TRIB2: variants seen among roughly 807,000 people sequenced by gnomAD.
The protein encoded by TRIB2 is tribbles homolog 2.
A neutral mutation model predicts 26.8 loss-of-function variants in TRIB2; 2 were observed. The ratio of observed to expected loss-of-function variants is 0.07; its 90% CI spans 0.03 to 0.24. The LOEUF is 0.24. TRIB2 is among the 10% of genes least tolerant of loss of function. TRIB2 has a pLI of 1.00. For missense variants in TRIB2, 306 were observed against 449.0 expected (o/e 0.68, Z 2.88); for synonymous variants, 189 against 187.3 (o/e 1.01, Z -0.08).
At chr2:12,719,692 A>G (rs1661150467) in intron 1 of TRIB2, among the ~76,000 whole-genome samples, 1 of 151,728 alleles carries the variant, frequency 6.6e-6, no homozygotes, top group African/African-American at 2.4e-5. Context: ...CATTCACCAC[A>G]GACTACTTTG....
intron 2 of TRIB2, among the ~76,000 whole-genome samples, chr2:12,739,210 A>C (rs1022580053): frequency 2.0e-5 from 3 of 152,114 alleles, no homozygotes; most frequent in African/African-American, 7.2e-5. Flanking sequence ...TGGGAGTATG[A>C]GGGGCAGGAC....
intron 1 of TRIB2, among the ~76,000 whole-genome samples, chr2:12,719,575 T>TA (rs1558314160): frequency 2.4e-5 from 2 of 84,042 alleles, no homozygotes; most frequent in Admixed American, 1.1e-4. Flanking sequence ...ATTTGCTGAC[T>TA]GTTTTTTTTT....
In TRIB2 at chr2:12,735,942, C is replaced by T. The variant is rs573024961; in HGVS notation, c.564-4384C>T. On this transcript the variant is annotated intron_variant, in intron 2 of 2. Transcript: ENST00000155926. ...TCTTTTCATTTTATTCTCAAATTCA[C>T]GAAGTATCGGGCCTAGATTCTGGGT... 3.3e-4 allele frequency among the ~76,000 whole-genome samples: 50 copies of T among 152,214 alleles called. 1 individual carries two copies. Among genetic ancestry groups the T allele is most frequent in the African/African-American group, 9.4e-4 (39 of 41,510 alleles).
At chr2:12,736,400 C>T (rs372366165) in intron 2 of TRIB2, among the ~76,000 whole-genome samples, 6 of 152,134 alleles carry the variant, frequency 3.9e-5, no homozygotes, top group Admixed American at 2.6e-4. Context: ...CAAGACTGAG[C>T]GAGGAGAAAT....
chr2:12,724,455 A>G (rs1221994730), intron 2 of TRIB2, among the ~76,000 whole-genome samples: 1 of 152,226 alleles, frequency 6.6e-6, no homozygotes, highest in Non-Finnish European at 1.5e-5. Context: ...GAGGCAACAA[A>G]TCTGTATTCA....
intron 2 of TRIB2, among the ~76,000 whole-genome samples, chr2:12,725,961 C>T (rs1270436541): frequency 6.6e-6 from 1 of 152,208 alleles, no homozygotes; most frequent in Non-Finnish European, 1.5e-5. Context: ...GGTTACTTGG[C>T]CTCATGGCAG....
intron 2 of TRIB2, chr2:12,724,689 G>A: frequency 2.5e-6 from 4 of 1,612,864 alleles, no homozygotes; most frequent in Non-Finnish European, 3.4e-6. Context: ...TACCCTCTGT[G>A]ATCTTGGATT....
chr2:12,738,634 A>G lies in TRIB2; in HGVS notation c.564-1692A>G, dbSNP rs184560785. 1.1e-4 allele frequency among the ~76,000 whole-genome samples: 16 copies of G among 152,292 alleles called. No individual in the cohort carries two copies. The East Asian group carries it at 2.7e-3, about 26-fold the overall frequency. On this transcript the variant is annotated intron_variant, in intron 2 of 2. Transcript: ENST00000155926. ...ATTTCAATTTTGAGCACGGGAAGGT[A>G]GCAATTCCTAACTTTCCACTCAAAG...
At position 12,736,595 on chromosome 2, in the gene TRIB2, G is replaced by A. The variant is rs796244723; in HGVS notation, c.564-3731G>A. ...GAGCACCGGCCCTTGTTCCTTTGCC[G>A]GTGAGCGCACTGAAGCTCACCCCCT... is the stretch of plus-strand genomic sequence containing the variant. On this transcript the variant is annotated intron_variant, in intron 2 of 2. Coordinates refer to ENST00000155926, the MANE Select transcript of TRIB2 (RefSeq NM_021643.4). Among the ~76,000 whole-genome samples the A allele has an allele frequency of 5.3e-5, 8 of 152,256 alleles. No individual in the cohort carries two copies. In the South Asian group the frequency reaches 8.3e-4, roughly 16 times the overall value.
chr2:12,718,216 T>C lies in TRIB2; in HGVS notation c.-92T>C, dbSNP rs1666643500. ...CCTCCCCTCTCGCTCCCTTTTAAAATCAGTGGCACCGAGGCGCCTGCAGCC... is the reference window on the plus strand; with the variant it reads ...CCTCCCCTCTCGCTCCCTTTTAAAACCAGTGGCACCGAGGCGCCTGCAGCC... On this transcript the variant is annotated 5_prime_UTR_variant, in exon 1 of 3. Transcript: ENST00000155926. The surrounding 1 kb of genome is among the most constrained non-coding windows in gnomAD (Gnocchi z 4.0). 6.7e-7 allele frequency: 1 copy of C among 1,495,612 alleles called. No individual in the cohort carries two copies. The highest frequency in any genetic ancestry group is 1.4e-5 in the African/African-American group (1 of 71,350). The allele number at this position is 1,495,612 out of a possible 1,614,324, so 92.6% of individuals were successfully genotyped here.
chr2:12,727,006 C>G (rs886861416), intron 2 of TRIB2, among the ~76,000 whole-genome samples: 1 of 152,234 alleles, frequency 6.6e-6, no homozygotes, highest in Non-Finnish European at 1.5e-5. Context: ...CAGGCAGACA[C>G]AGATGACACC....
intron 2 of TRIB2, among the ~76,000 whole-genome samples, chr2:12,725,319 G>A (rs1181404281): frequency 6.6e-6 from 1 of 152,236 alleles, no homozygotes; most frequent in Admixed American, 6.5e-5. Flanking sequence ...GTAGAGCAGG[G>A]TGGAGGTCCC....
chr2:12,724,990 T>G (rs1326268726), intron 2 of TRIB2, among the ~76,000 whole-genome samples: 2 of 152,230 alleles, frequency 1.3e-5, no homozygotes, highest in Non-Finnish European at 2.9e-5. Flanking sequence ...AGTTTAATTC[T>G]CTCTCCCTAT....
rs114743196 is a variant in TRIB2 at position 12,741,359 on chromosome 2, C to T, written c.*565C>T. On this transcript the variant is annotated 3_prime_UTR_variant, in exon 3 of 3. Coordinates refer to ENST00000155926, the MANE Select transcript of TRIB2 (RefSeq NM_021643.4). ...AAAAGTCCAGTTTGTGTCTCTTAAT[C>T]GCTCACTTCAACTCATTTCTTCTAA... The T allele has an allele frequency of 0.016, 2,469 of 154,030 alleles. 24 individuals carry two copies. The highest frequency in any genetic ancestry group is 0.02 in the Non-Finnish European group (1,378 of 69,034). The allele number at this position is 154,030 out of a possible 1,614,324, so 9.5% of individuals were successfully genotyped here.
chr2:12,738,198 G>A (rs1375680713), intron 2 of TRIB2, among the ~76,000 whole-genome samples: 1 of 152,172 alleles, frequency 6.6e-6, no homozygotes. Flanking sequence ...ATGGCTCTTA[G>A]TGGCGGTGGT....
intron 2 of TRIB2, chr2:12,724,707 C>T (rs771949812): frequency 1.3e-5 from 21 of 1,612,736 alleles, no homozygotes; most frequent in South Asian, 1.1e-4. Flanking sequence ...ATTGGTCCTT[C>T]GTCTGTTTCC....
Position 12,718,588 on chromosome 2 carries a change from A to ACT in TRIB2, c.270+11_270+12insCT, listed in dbSNP as rs1666652626. The ACT allele has an allele frequency of 9.3e-6, 15 of 1,606,414 alleles. No homozygotes were observed. The highest frequency in any genetic ancestry group is 1.7e-4 in the Middle Eastern group (1 of 5,940). On this transcript the variant is annotated intron_variant, in intron 1 of 2. Coordinates refer to ENST00000155926, the MANE Select transcript of TRIB2 (RefSeq NM_021643.4). The surrounding 1 kb of genome is among the most constrained non-coding windows in gnomAD (Gnocchi z 4.0). ...GAGCTGGTGTGCAAGGTAAAGGGCC[A>ACT]GTGGGTTGCTTTTTGTCTTTGGAAG...
intron 1 of TRIB2, among the ~76,000 whole-genome samples, chr2:12,722,699 G>C (rs1661246499): frequency 6.6e-6 from 1 of 152,154 alleles, no homozygotes; most frequent in South Asian, 2.1e-4. Flanking sequence ...TTGAGTTTTG[G>C]CTCATTCTCT....
In TRIB2 at chr2:12,718,400, G is replaced by A; in HGVS notation, c.93G>A (p.Arg31=). ...TQDFEELSSI[R]SAEPSQSFSP... is the part of the protein sequence containing the mutation. ...ATTTCGAAGAGTTGTCGTCTATAAG[G>A]TCCGCGGAGCCCAGCCAGAGTTTCA... Residue 31 remains arginine, a synonymous_variant, in exon 1 of 3, where the codon AGG becomes AGA. Coordinates refer to ENST00000155926, the MANE Select transcript of TRIB2 (RefSeq NM_021643.4). The surrounding 1 kb of genome is among the most constrained non-coding windows in gnomAD (Gnocchi z 4.0). 6.2e-7 allele frequency: 1 copy of A among 1,614,214 alleles called. No homozygotes were observed. Among genetic ancestry groups the A allele is most frequent in the Non-Finnish European group, 8.5e-7 (1 of 1,180,036 alleles).
Sources: gnomAD v4.1 joint callset for allele counts (sites outside exome capture counted in the v4.1 genomes callset) on GRCh38, gnomAD v4.1.1 for gene constraint, Gnocchi (gnomAD v3.1) non-coding constraint, MANE v1.5 for transcripts, NCBI Gene and HGNC (gene_info 2026-07-23, HGNC 2026-07-21) for gene names.